Variants in AKAP11 observed in about 807,000 individuals in gnomAD.
The protein encoded by AKAP11 is A-kinase anchoring protein 11.
A neutral mutation model predicts 146.1 loss-of-function variants in AKAP11; 36 were observed. That is an observed-to-expected ratio of 0.25 (90% CI 0.19 to 0.33). AKAP11 has a LOEUF of 0.33. Among genes scored for constraint, AKAP11 ranks in the 10% least tolerant of loss-of-function variants. The probability of loss-of-function intolerance (pLI) is 1.00; values close to 1 mark genes in which losing one functional copy is unlikely to be tolerated. For synonymous variants in AKAP11, 780 were observed against 786.5 expected, an observed-to-expected ratio of 0.99 and a Z score of 0.14; for missense variants, 2,201 against 2,197.0, an observed-to-expected ratio of 1.00 and a Z score of -0.04.
chr13:42,287,799 A>G (rs1449850383), intron 3 of AKAP11, among the ~76,000 whole-genome samples: 4 of 152,174 alleles, frequency 2.6e-5, no homozygotes, highest in African/African-American at 7.2e-5. Context: ...ATAACTAATA[A>G]TATATACAAA....
At position 42,280,727 on chromosome 13, in the gene AKAP11, G is replaced by A. The variant is rs1484013007; in HGVS notation, c.-99-5259G>A. ...AGGTGGTTACTATTTGGGCAAGGAG[G>A]GATAAAGGAGAGATATGAGCCAAGC... On this transcript the variant is annotated intron_variant, in intron 1 of 12. Transcript: ENST00000025301. Among the ~76,000 whole-genome samples, 15 of 152,218 alleles carry A rather than the reference G, an allele frequency of 9.9e-5. No homozygotes were observed. In the East Asian group the frequency reaches 2.9e-3, roughly 29 times the overall value.
In AKAP11 at chr13:42,301,722, G is replaced by C. The variant is rs1362990108; in HGVS notation, c.2976G>C (p.Gln992His). 1 of 1,614,148 alleles carries C rather than the reference G, an allele frequency of 6.2e-7. No individual in the cohort carries two copies. The highest frequency in any genetic ancestry group is 1.7e-5 in the Admixed American group (1 of 60,020). Residue 992 changes from glutamine to histidine, a missense_variant, in exon 8 of 13, where the codon CAG becomes CAC. Physicochemically the swap from Gln to His is conservative, Grantham distance 24 (BLOSUM62 0). Transcript: ENST00000025301. ...AGTCTCCCAAATTTCCTGACTCTCAGAATCAGTTAACTCACTGCTCACTTT... is the reference window on the plus strand; with the variant it reads ...AGTCTCCCAAATTTCCTGACTCTCACAATCAGTTAACTCACTGCTCACTTT... ...PEKSPKFPDS[Q>H]NQLTHCSLSA...
At chr13:42,273,278 T>G (rs370684952) in intron 1 of AKAP11, among the ~76,000 whole-genome samples, 1 of 152,076 alleles carries the variant, frequency 6.6e-6, no homozygotes, top group Non-Finnish European at 1.5e-5. Context: ...ACAGATATAT[T>G]TTTTTTAATG....
intron 9 of AKAP11, among the ~76,000 whole-genome samples, chr13:42,308,951 G>A (rs570667168): frequency 1.2e-3 from 175 of 151,532 alleles, no homozygotes; most frequent in Middle Eastern, 0.01. Context: ...TAAAGAACAA[G>A]AAAAAGGACA....
At position 42,301,841 on chromosome 13, in the gene AKAP11, A is replaced by C. The variant is rs775784515; in HGVS notation, c.3095A>C (p.Gln1032Pro). ...TLPSCPAVTGQKSDLKESAKD... is the reference protein window; with the variant it reads ...TLPSCPAVTGPKSDLKESAKD... Reference sequence around the variant, plus strand: ...CCATCTTGTCCAGCTGTGACAGGTCAGAAATCTGACTTGAAGGAATCTGCT... The same window carrying C: ...CCATCTTGTCCAGCTGTGACAGGTCCGAAATCTGACTTGAAGGAATCTGCT... Residue 1032 changes from glutamine (Q) to proline (P), a missense_variant, in exon 8 of 13, where the codon CAG becomes CCG. Transcript: ENST00000025301. The C allele has an allele frequency of 6.2e-7, 1 of 1,614,212 alleles. No homozygotes were observed.
chr13:42,313,870 T>C, intron 10 of AKAP11, 24 bp from the exon 11 acceptor site: 1 of 1,601,550 alleles, frequency 6.2e-7, no homozygotes, highest in Admixed American at 1.7e-5. Context: ...TTTTTGTAAC[T>C]GCTTCTGCTA....
Position 42,300,408 on chromosome 13 carries a change from A to G in AKAP11, c.1662A>G (p.Ala554=), listed in dbSNP as rs982418055. ...LMIKDSIQKF[A]ADLVEKSFGS... ...TTAAAGATAGCATTCAAAAATTTGCAGCAGATCTTGTGGAAAAAAGTTTTG... is the reference window on the plus strand; with the variant it reads ...TTAAAGATAGCATTCAAAAATTTGCGGCAGATCTTGTGGAAAAAAGTTTTG... Residue 554 remains alanine, a synonymous_variant, in exon 8 of 13, where the codon GCA becomes GCG. Transcript: ENST00000025301. The G allele has an allele frequency of 1.2e-6, 2 of 1,612,474 alleles. No homozygotes were observed. The highest frequency in any genetic ancestry group is 2.7e-5 in the African/African-American group (2 of 74,880).
intron 5 of AKAP11, among the ~76,000 whole-genome samples, chr13:42,296,485 AATAATTCTTT>A (rs1273402815): frequency 4.6e-5 from 7 of 152,182 alleles, no homozygotes; most frequent in Non-Finnish European, 1.0e-4. Context: ...CAAAGACTTT[AATAATTCTTT>A]AGCTGGGTAA....
chr13:42,281,654 G>C (rs550243066), intron 1 of AKAP11, among the ~76,000 whole-genome samples: 5 of 151,992 alleles, frequency 3.3e-5, no homozygotes, highest in Admixed American at 6.6e-5. Flanking sequence ...AAACACCCAT[G>C]ATTGTATCTA....
chr13:42,316,208 A>C (rs903592070), intron 11 of AKAP11, among the ~76,000 whole-genome samples: 1 of 152,170 alleles, frequency 6.6e-6, no homozygotes, highest in African/African-American at 2.4e-5. Flanking sequence ...GACCAACACA[A>C]CTCCTAAAAA....
rs1047266422 is a variant in AKAP11, at chr13:42,322,435, A to C, written c.*3207A>C. 1 of 152,322 alleles carries C rather than the reference A, an allele frequency of 6.6e-6. No individual in the cohort carries two copies. Among genetic ancestry groups the C allele is most frequent in the Non-Finnish European group, 1.5e-5 (1 of 67,986 alleles). The allele number at this position is 152,322 out of a possible 1,614,324, so 9.4% of individuals were successfully genotyped here. A position where few individuals can be genotyped will look rare whatever the true frequency, so the allele number is the denominator to read the frequency against. On this transcript the variant is annotated 3_prime_UTR_variant, in exon 13 of 13. Transcript: ENST00000025301. ...GATTTAAATGTCTACTTAGTTAATT[A>C]GTTAGCTGATATTCTTCCACAATTA...
In AKAP11 at chr13:42,275,679, C is replaced by T. The variant is rs145602805; in HGVS notation, c.-100+3451C>T. ...CAGTAGTCTCTTTACAGGACAGATT[C>T]TCCTGGGTGTGGGAGTTCAGGCAAA... On this transcript the variant is annotated intron_variant, in intron 1 of 12. Transcript: ENST00000025301. 8.3e-3 allele frequency among the ~76,000 whole-genome samples: 1,271 copies of T among 152,244 alleles called. 11 individuals are homozygous for T. The highest frequency in any genetic ancestry group is 0.035 in the South Asian group (167 of 4,824).
rs1374716075 is a variant in AKAP11, at chr13:42,321,695, G to GT, written c.*2469dup. On this transcript the variant is annotated 3_prime_UTR_variant, in exon 13 of 13. Coordinates refer to ENST00000025301, the MANE Select transcript of AKAP11 (RefSeq NM_016248.4). ...TCCAAAGATGTTCTAGATCTATTTG[G>GT]TTGCTCTATAGTCAAACAGCTCTTT... 1 of 152,146 alleles carries GT rather than the reference G, an allele frequency of 6.6e-6. No homozygotes were observed. Among genetic ancestry groups the GT allele is most frequent in the Non-Finnish European group, 1.5e-5 (1 of 67,944 alleles). The allele number at this position is 152,146 out of a possible 1,614,324, so 9.4% of individuals were successfully genotyped here.
At chr13:42,312,976 T>C (rs1960634731) in intron 9 of AKAP11, 71 bp from the exon 10 acceptor site, 7 of 1,305,022 alleles carry the variant, frequency 5.4e-6, no homozygotes, top group Non-Finnish European at 7.7e-6. Flanking sequence ...ACAGAAGCTG[T>C]TCCGAGGAAA....
At position 42,303,165 on chromosome 13, in the gene AKAP11, G is replaced by A. The variant is rs1367463015; in HGVS notation, c.4419G>A (p.Leu1473=). ...TAACAAAAGATGCTAAGGAAGAGTTGACAGCCTCTCTAGTTGGCCTACCAA... is the reference window on the plus strand; with the variant it reads ...TAACAAAAGATGCTAAGGAAGAGTTAACAGCCTCTCTAGTTGGCCTACCAA... ...HSITKDAKEE[L]TASLVGLPKS... Residue 1473 remains leucine, a synonymous_variant, in exon 8 of 13, where the codon TTG becomes TTA. Coordinates refer to ENST00000025301, the MANE Select transcript of AKAP11 (RefSeq NM_016248.4). 2 of 1,614,062 alleles carry A rather than the reference G, an allele frequency of 1.2e-6. No homozygotes were observed. Among genetic ancestry groups the A allele is most frequent in the East Asian group, 2.2e-5 (1 of 44,898 alleles).
chr13:42,318,974 G>T (rs1001360953), intron 12 of AKAP11, 114 bp from the exon 13 acceptor site: 2 of 1,240,784 alleles, frequency 1.6e-6, no homozygotes, highest in African/African-American at 1.5e-5. Flanking sequence ...CTAGGAAACG[G>T]TATTTAATTG....
At chr13:42,278,474 G>A (rs1358750859) in intron 1 of AKAP11, among the ~76,000 whole-genome samples, 1 of 152,046 alleles carries the variant, frequency 6.6e-6, no homozygotes, top group African/African-American at 2.4e-5. Context: ...TCTAGTGTTT[G>A]TGTTAGGGTT....
Position 42,300,316 on chromosome 13 carries a change from A to C in AKAP11, c.1570A>C (p.Lys524Gln), listed in dbSNP as rs754193698. The C allele has an allele frequency of 2.5e-6, 4 of 1,611,850 alleles. No individual in the cohort carries two copies. The Admixed American group carries it at 5.0e-5, about 20-fold the overall frequency. ...TAACAGTATTAAACATGGAGAAAAT[A>C]AAACTGTAACTTTTAAGCATGGAAA... ...NINSIKHGEN[K>Q]TVTFKHGNLD... Residue 524 changes from lysine to glutamine, a missense_variant, in exon 8 of 13, where the codon AAA becomes CAA. Physicochemically the swap from Lys to Gln is moderately conservative, Grantham distance 53 (BLOSUM62 1). This residue lies in a region of AKAP11 where 1,867 missense variants were observed against 1,833.5 expected (regional missense o/e 1.02). Transcript: ENST00000025301.
At chr13:42,297,322 T>C in intron 6 of AKAP11, 140 bp downstream of exon 6, 3 of 602,654 alleles carry the variant, frequency 5.0e-6, no homozygotes, top group Non-Finnish European at 2.6e-6. Flanking sequence ...TCATAAGAAA[T>C]ATAACTCATG....
Sources: gnomAD v4.1 joint callset for allele counts (sites outside exome capture counted in the v4.1 genomes callset) on GRCh38, gnomAD v4.1.1 for gene constraint, gnomAD v4.1.1 regional missense constraint, MANE v1.5 for transcripts, NCBI Gene and HGNC (gene_info 2026-07-23, HGNC 2026-07-21) for gene names.